SCAPER: variants seen among roughly 807,000 people sequenced by gnomAD.
SCAPER encodes the protein S-phase cyclin A associated protein in the ER, also known as S phase cyclin A-associated protein in the endoplasmic reticulum.
In SCAPER, 98 loss-of-function variants were observed where a neutral mutation model predicts 182.2. The observed-to-expected ratio is 0.54, with a 90% confidence interval of 0.46 to 0.64. The LOEUF is 0.64. Ranked by LOEUF, SCAPER falls within the 30% of genes least tolerant of loss-of-function variation. The probability of loss-of-function intolerance (pLI) is 0.00; values close to 1 mark genes in which losing one functional copy is unlikely to be tolerated. For missense variants in SCAPER, 1,432 were observed against 1,690.0 expected (o/e 0.85, Z 2.68); for synonymous variants, 605 against 564.6 (o/e 1.07, Z -1.01).
intron 23 of SCAPER, among the ~76,000 whole-genome samples, chr15:76,518,517 G>A (rs2042610431): frequency 6.6e-6 from 1 of 152,108 alleles, no homozygotes; most frequent in African/African-American, 2.4e-5. Flanking sequence ...GGAAACGAAG[G>A]GAAGGAAACA....
rs1598648843 is a variant in SCAPER at position 76,774,959 on chromosome 15, T to C, written c.931A>G (p.Ile311Val). The change falls in exon 9 of 32, where the codon ATA becomes GTA. Residue 311 changes from isoleucine (I) to valine (V), a missense_variant. By Grantham distance (29) the Ile-to-Val change is conservative. Around this residue, in one of 5 missense-constraint regions of SCAPER, gnomAD observed 480 missense variants for 510.2 expected, o/e 0.94. Transcript: ENST00000563290. ...TCTCCAACAAATTGACCTTTCTGTA[T>C]GCTTTCATCAGGTAAAAGACATACA... ...ENVCLLPDES[I>V]QKGQFVGDGT... 1.2e-6 allele frequency: 2 copies of C among 1,613,860 alleles called. No individual in the cohort carries two copies. The highest frequency in any genetic ancestry group is 1.7e-4 in the Middle Eastern group (1 of 6,054).
At chr15:76,647,327 C>T (rs2054629677) in intron 21 of SCAPER, among the ~76,000 whole-genome samples, 1 of 152,142 alleles carries the variant, frequency 6.6e-6, no homozygotes, top group African/African-American at 2.4e-5. Flanking sequence ...GATTGAGTAA[C>T]TAGTATCATA....
chr15:76,731,403 A>G (rs1305842888), intron 16 of SCAPER, among the ~76,000 whole-genome samples: 1 of 152,234 alleles, frequency 6.6e-6, no homozygotes, highest in Non-Finnish European at 1.5e-5. Context: ...TAAAGAATAT[A>G]CATACCAATA....
At chr15:76,554,497 G>A (rs369121077) in intron 23 of SCAPER, among the ~76,000 whole-genome samples, 11 of 152,298 alleles carry the variant, frequency 7.2e-5, no homozygotes, top group East Asian at 3.9e-4. Context: ...CTGTGAGACA[G>A]TATACAAGAT....
At chr15:76,579,054 C>T (rs1017445652) in intron 22 of SCAPER, among the ~76,000 whole-genome samples, 1 of 151,912 alleles carries the variant, frequency 6.6e-6, no homozygotes, top group Non-Finnish European at 1.5e-5. Context: ...ATCACAAGGA[C>T]AGGAGATCGA....
chr15:76,897,889 C>T (rs2074524113), intron 1 of SCAPER, among the ~76,000 whole-genome samples: 1 of 151,806 alleles, frequency 6.6e-6, no homozygotes, highest in South Asian at 2.1e-4. Context: ...TAGGTAAATT[C>T]CAGATATTTC....
intron 8 of SCAPER, among the ~76,000 whole-genome samples, chr15:76,791,471 AG>A (rs1310690366): frequency 6.6e-6 from 1 of 152,178 alleles, no homozygotes; most frequent in Non-Finnish European, 1.5e-5. Flanking sequence ...TTTAGGGTGC[AG>A]GGGAAGTGAG....
intron 20 of SCAPER, among the ~76,000 whole-genome samples, chr15:76,666,966 T>C (rs2056618986): frequency 6.6e-6 from 1 of 152,208 alleles, no homozygotes; most frequent in Non-Finnish European, 1.5e-5. Flanking sequence ...ATTTCTCCTC[T>C]TATCTACATC....
At chr15:76,769,341 G>T (rs1443586156) in intron 10 of SCAPER, among the ~76,000 whole-genome samples, 3 of 151,632 alleles carry the variant, frequency 2.0e-5, no homozygotes, top group African/African-American at 7.3e-5. Context: ...TACTCGGGAG[G>T]CTGAGGCAGG....
intron 29 of SCAPER, among the ~76,000 whole-genome samples, chr15:76,358,970 T>C (rs751926969): frequency 3.3e-5 from 5 of 152,234 alleles, no homozygotes; most frequent in Non-Finnish European, 7.3e-5. Context: ...TGATCTGCTA[T>C]AGTCACTTAA....
intron 3 of SCAPER, among the ~76,000 whole-genome samples, chr15:76,861,264 C>T (rs1417746296): frequency 1.3e-5 from 2 of 152,178 alleles, no homozygotes; most frequent in African/African-American, 2.4e-5. Context: ...CCACAAATTA[C>T]TCATTAGTTA....
At chr15:76,633,172 C>T (rs2053283287) in intron 21 of SCAPER, among the ~76,000 whole-genome samples, 1 of 152,142 alleles carries the variant, frequency 6.6e-6, no homozygotes, top group Admixed American at 6.6e-5. Context: ...AGTCAGGTCC[C>T]TCTTCTGTAG....
At position 76,600,989 on chromosome 15, in the gene SCAPER, C is replaced by T. The variant is rs188682014; in HGVS notation, c.2711+20775G>A. Among the ~76,000 whole-genome samples, 2 of 120,836 alleles carry T rather than the reference C, an allele frequency of 1.7e-5. 1 individual carries two copies. Among genetic ancestry groups the T allele is most frequent in the Admixed American group, 1.9e-4 (2 of 10,644 alleles). 79.3% of individuals were successfully genotyped at this position (120,836 alleles called of 152,430 possible). On this transcript the variant is annotated intron_variant, in intron 22 of 31. Transcript: ENST00000563290. ...ACCTCTGAAAAGTTTACTCAAAAAA[C>T]AACAACAGAAGAAATTTCTAATACT...
At chr15:76,495,119 TA>T (rs373052381) in intron 24 of SCAPER, among the ~76,000 whole-genome samples, 2 of 152,132 alleles carry the variant, frequency 1.3e-5, no homozygotes, top group East Asian at 3.9e-4. Context: ...TGGGTTACAT[TA>T]AAAAAAATCT....
intron 26 of SCAPER, among the ~76,000 whole-genome samples, chr15:76,410,948 A>G (rs2045245215): frequency 6.6e-6 from 1 of 152,278 alleles, no homozygotes; most frequent in South Asian, 2.1e-4. Flanking sequence ...TTAATAATCA[A>G]CTGCTTTCTC....
At chr15:76,475,720 G>C (rs1197537721) in intron 24 of SCAPER, among the ~76,000 whole-genome samples, 1 of 152,230 alleles carries the variant, frequency 6.6e-6, no homozygotes, top group African/African-American at 2.4e-5. Flanking sequence ...GGCTGAAGCA[G>C]AAGTTGGAGA....
intron 29 of SCAPER, among the ~76,000 whole-genome samples, chr15:76,370,124 T>C (rs1351898897): frequency 6.6e-6 from 1 of 151,786 alleles, no homozygotes; most frequent in Non-Finnish European, 1.5e-5. Flanking sequence ...AACCACAAAA[T>C]AGCTTGGAGT....
rs556903000 is a variant in SCAPER, at chr15:76,601,506, C to CTA, written c.2711+20256_2711+20257dup. On this transcript the variant is annotated intron_variant, in intron 22 of 31. Coordinates refer to ENST00000563290, the MANE Select transcript of SCAPER (RefSeq NM_020843.4). ...GGCATACATGTTTGTAGCCTAAGAGCTATAGGCCATATCATATAGCTTAAA... is the reference window on the plus strand; with the variant it reads ...GGCATACATGTTTGTAGCCTAAGAGCTATATAGGCCATATCATATAGCTTAAA... Among the ~76,000 whole-genome samples the CTA allele has an allele frequency of 1.4e-3, 172 of 121,734 alleles. 17 individuals carry two copies. The highest frequency in any genetic ancestry group is 4.2e-3 in the African/African-American group (167 of 39,936). 79.9% of individuals were successfully genotyped at this position (121,734 alleles called of 152,430 possible).
intron 16 of SCAPER, among the ~76,000 whole-genome samples, chr15:76,731,966 C>G (rs934043003): frequency 1.3e-5 from 2 of 152,162 alleles, no homozygotes; most frequent in Non-Finnish European, 2.9e-5. Flanking sequence ...CCAAAGATGT[C>G]TATTTAAAAA....
Sources: gnomAD v4.1 joint callset for allele counts (sites outside exome capture counted in the v4.1 genomes callset) on GRCh38, gnomAD v4.1.1 for gene constraint, gnomAD v4.1.1 regional missense constraint, MANE v1.5 for transcripts, NCBI Gene and HGNC (gene_info 2026-07-23, HGNC 2026-07-21) for gene names.